The following CLIC5 variants were observed in gnomAD, a reference collection of about 807,000 sequenced individuals.
CLIC5 encodes the protein chloride intracellular channel protein 5.
Under a neutral mutation model 24.7 loss-of-function variants are expected in CLIC5, and 20 were observed. The observed-to-expected ratio is 0.81, with a 90% CI of 0.57 to 1.18. The LOEUF (loss-of-function observed/expected upper bound fraction) is 1.18, where lower values mean the gene tolerates loss of function less well. Among genes scored for constraint, CLIC5 ranks in the 50% most tolerant of loss-of-function variants. The probability of loss-of-function intolerance (pLI) is 0.00; values close to 1 mark genes in which losing one functional copy is unlikely to be tolerated. For synonymous variants in CLIC5, 159 were observed against 135.6 expected (o/e 1.17, Z -1.20); for missense variants, 341 against 326.1 (o/e 1.05, Z -0.35).
intron 1 of CLIC5, among the ~76,000 whole-genome samples, chr6:45,971,740 A>G (rs931595568): frequency 5.9e-5 from 9 of 152,254 alleles, no homozygotes; most frequent in East Asian, 3.8e-4. Flanking sequence ...TAGGATTCGT[A>G]GGACAGAATG....
At chr6:46,072,082 C>T (rs963700867) in intron 1 of CLIC5, among the ~76,000 whole-genome samples, 15 of 151,734 alleles carry the variant, frequency 9.9e-5, no homozygotes, top group Admixed American at 2.0e-4. Context: ...TGGGGCCTAT[C>T]GGAGGGTAGA....
the CLIC5 span, among the ~76,000 whole-genome samples, chr6:46,110,283 G>A: frequency 1.3e-5 from 2 of 152,192 alleles, no homozygotes; most frequent in African/African-American, 2.4e-5. Context: ...TAGCCTCCAT[G>A]ATTGTGATGG....
chr6:45,993,740 A>G (rs1023290955), intron 1 of CLIC5, among the ~76,000 whole-genome samples: 2 of 152,210 alleles, frequency 1.3e-5, no homozygotes, highest in African/African-American at 4.8e-5. Flanking sequence ...AGGTAAAAAC[A>G]AGGGCCACTA....
chr6:45,909,376 G>A (rs1189157858), intron 5 of CLIC5, among the ~76,000 whole-genome samples: 1 of 152,146 alleles, frequency 6.6e-6, no homozygotes, highest in Non-Finnish European at 1.5e-5. Context: ...TATAGGGTCT[G>A]TTGGCTATTT....
chr6:46,124,243 C>A, the CLIC5 span, among the ~76,000 whole-genome samples: 1 of 152,108 alleles, frequency 6.6e-6, no homozygotes, highest in Admixed American at 6.5e-5. Context: ...AGATATAGAC[C>A]AATGGAACAG....
In CLIC5 at chr6:45,987,270, A is replaced by C. The variant is rs1765775406; in HGVS notation, c.63+28210T>G. On this transcript the variant is annotated intron_variant, in intron 1 of 5. Transcript: ENST00000339561. ...AGTTATGGCCCCTCCCTCTGAACTCAACATTCAGCATGCTTTTCTGCTGCC... is the reference window on the plus strand; with the variant it reads ...AGTTATGGCCCCTCCCTCTGAACTCCACATTCAGCATGCTTTTCTGCTGCC... 2.0e-5 allele frequency among the ~76,000 whole-genome samples: 3 copies of C among 152,298 alleles called. No homozygotes were observed. The South Asian group carries it at 6.2e-4, about 32-fold the overall frequency.
rs117948188 is a variant in CLIC5 at position 45,935,146 on chromosome 6, C to A, written c.406+6401G>T. Among the ~76,000 whole-genome samples the A allele has an allele frequency of 9.2e-5, 14 of 152,278 alleles. No homozygotes were observed. In the East Asian group the frequency reaches 2.7e-3, roughly 29 times the overall value. On this transcript the variant is annotated intron_variant, in intron 4 of 5. Coordinates refer to ENST00000339561, the MANE Select transcript of CLIC5 (RefSeq NM_016929.5). ...AATGGCAGATTGAGGGTAAGAAATGCAAAATGTAAGACAGATATTCAGAGG... is the reference window on the plus strand; with the variant it reads ...AATGGCAGATTGAGGGTAAGAAATGAAAAATGTAAGACAGATATTCAGAGG...
intron 2 of CLIC5, among the ~76,000 whole-genome samples, chr6:45,953,302 A>G (rs751398897): frequency 6.6e-6 from 1 of 152,176 alleles, no homozygotes; most frequent in Non-Finnish European, 1.5e-5. Context: ...TCAGAACTTG[A>G]TGAAACACTA....
chr6:46,000,080 G>C (rs1434992467), intron 1 of CLIC5, among the ~76,000 whole-genome samples: 2 of 152,032 alleles, frequency 1.3e-5, no homozygotes, highest in African/African-American at 4.8e-5. Flanking sequence ...AACATTTTCT[G>C]TTATCTCCTT....
chr6:46,031,350 G>C (rs1581882609), intron 1 of CLIC5, among the ~76,000 whole-genome samples: 2 of 152,218 alleles, frequency 1.3e-5, no homozygotes, highest in South Asian at 4.2e-4. Context: ...ACAACAAGGT[G>C]AGCCTTGACT....
intron 1 of CLIC5, among the ~76,000 whole-genome samples, chr6:45,963,002 C>T (rs990665724): frequency 6.6e-6 from 1 of 152,226 alleles, no homozygotes; most frequent in Non-Finnish European, 1.5e-5. Context: ...AACTCATCAC[C>T]ACTGTCCCTT....
chr6:46,079,375 A>G (rs577401132), intron 1 of CLIC5, among the ~76,000 whole-genome samples: 4 of 152,382 alleles, frequency 2.6e-5, no homozygotes, highest in Admixed American at 1.3e-4. Flanking sequence ...TTAACCAGAC[A>G]GAAAAATGTA....
intron 1 of CLIC5, among the ~76,000 whole-genome samples, chr6:46,026,980 G>T (rs1351363201): frequency 1.3e-5 from 2 of 151,998 alleles, no homozygotes; most frequent in East Asian, 3.9e-4. Context: ...CACTGAGATG[G>T]CAATTGCCAT....
rs374025345 is a variant in CLIC5, at chr6:46,025,543, T to G, written c.540+54160A>C. On this transcript the variant is annotated intron_variant, in intron 1 of 5. Coordinates refer to the CLIC5 transcript ENST00000185206. The stretch of plus-strand genomic sequence containing the variant: ...CTCAATAAATAAGCACTAGCTAGTA[T>G]GACTTTATTACTAATGTGTTTAAGT... Among the ~76,000 whole-genome samples the G allele has an allele frequency of 1.3e-3, 198 of 152,310 alleles. 9 individuals carry two copies. In the South Asian group the frequency reaches 0.037, roughly 29 times the overall value.
intron 1 of CLIC5, among the ~76,000 whole-genome samples, chr6:46,032,981 A>ATTTTTTTTTTTTT (rs35845581): frequency 1.3e-5 from 1 of 79,008 alleles, no homozygotes. Context: ...GGAAATCTAC[A>ATTTTTTTTTTTTT]TTTTTTTTTT....
Position 46,015,570 on chromosome 6 carries a change from G to A in CLIC5, c.-28C>T, listed in dbSNP as rs544862174. 3 of 1,546,032 alleles carry A rather than the reference G, an allele frequency of 1.9e-6. No individual in the cohort carries two copies. Among genetic ancestry groups the A allele is most frequent in the African/African-American group, 1.4e-5 (1 of 71,696 alleles). The stretch of plus-strand genomic sequence containing the variant: ...CGTTGGCGCCCGGGGCTACCGTCCC[G>A]GGCCGGGGAGGCGCCACCTCTGCAG... On this transcript the variant is annotated 5_prime_UTR_variant, in exon 1 of 6. Transcript: ENST00000339561.
chr6:45,955,675 C>T (rs1478355312), intron 1 of CLIC5, among the ~76,000 whole-genome samples: 1 of 152,166 alleles, frequency 6.6e-6, no homozygotes, highest in East Asian at 1.9e-4. Context: ...ATTGCTCTAA[C>T]AATTAGAAAT....
intron 1 of CLIC5, among the ~76,000 whole-genome samples, chr6:45,978,807 G>T (rs112530131): frequency 1.3e-5 from 2 of 152,086 alleles, no homozygotes; most frequent in Non-Finnish European, 2.9e-5. Flanking sequence ...AACATTAGCC[G>T]GGCATGGTGG....
chr6:45,950,955 G>A (rs1764450298), intron 2 of CLIC5, among the ~76,000 whole-genome samples: 1 of 151,998 alleles, frequency 6.6e-6, no homozygotes, highest in East Asian at 1.9e-4. Context: ...AAAATTATGG[G>A]GTTACTTAAA....
Sources: gnomAD v4.1 joint callset for allele counts (sites outside exome capture counted in the v4.1 genomes callset) on GRCh38, gnomAD v4.1.1 for gene constraint, MANE v1.5 for transcripts, NCBI Gene and HGNC (gene_info 2026-07-23, HGNC 2026-07-21) for gene names.